The following PRRC2B variants were observed in gnomAD, a reference collection of about 807,000 sequenced individuals.
PRRC2B encodes proline rich coiled-coil 2B, also known as protein PRRC2B.
In PRRC2B, 68 loss-of-function variants were observed where a neutral mutation model predicts 242.3. The ratio of observed to expected loss-of-function variants is 0.28; its 90% confidence interval spans 0.23 to 0.34. The LOEUF is 0.34. Ranked by LOEUF, PRRC2B falls within the 10% of genes least tolerant of loss-of-function variation. The pLI, the probability that PRRC2B is intolerant of heterozygous loss-of-function variation, is 1.00. For synonymous variants in PRRC2B, 1,228 were observed against 1,173.6 expected (o/e 1.05, Z -0.95); for missense variants, 2,835 against 2,954.8 (o/e 0.96, Z 0.94).
At chr9:131,471,132 T>C in intron 14 of PRRC2B, 149 bp downstream of exon 14, 2 of 564,950 alleles carry the variant, frequency 3.5e-6, no homozygotes, top group Non-Finnish European at 6.3e-6. Context: ...AGTAGTCACT[T>C]GCAAAGTGTA....
At chr9:131,374,058 CA>C (rs533611596) in intron 1 of PRRC2B, among the ~76,000 whole-genome samples, 3,615 of 87,914 alleles carry the variant, frequency 0.041, 80 homozygotes, top group African/African-American at 0.13. Flanking sequence ...GACTCCGTCT[CA>C]AAAAAAAAAA....
rs765149339 is a variant in PRRC2B at position 131,490,670 on chromosome 9, G to A, written c.6226-755G>A. The stretch of plus-strand genomic sequence containing the variant: ...CGCATATCTTGTTCTAGTTAGTTAG[G>A]CCCTGCAGCTACCCTGTTCTCCTGT... On this transcript the variant is annotated intron_variant, in intron 28 of 31. Coordinates refer to ENST00000683519, the MANE Select transcript of PRRC2B (RefSeq NM_013318.4). 55 of 504,806 alleles carry A rather than the reference G, an allele frequency of 1.1e-4. 1 individual carries two copies. The highest frequency in any genetic ancestry group is 3.8e-4 in the South Asian group (27 of 70,272). The allele number at this position is 504,806 out of a possible 1,614,324, so 31.3% of individuals were successfully genotyped here. A position where few individuals can be genotyped will look rare whatever the true frequency, so the allele number is the denominator to read the frequency against.
intron 1 of PRRC2B, among the ~76,000 whole-genome samples, chr9:131,374,306 G>A (rs899045992): frequency 1.3e-5 from 2 of 151,954 alleles, no homozygotes; most frequent in African/African-American, 4.8e-5. Flanking sequence ...CGGAGACTCT[G>A]TCTCAAAATA....
chr9:131,401,322 A>G (rs902815223), intron 1 of PRRC2B, among the ~76,000 whole-genome samples: 3 of 151,340 alleles, frequency 2.0e-5, no homozygotes, highest in African/African-American at 4.9e-5. Context: ...CTCTGTTCCC[A>G]TTAGATGCCA....
chr9:131,430,041 C>CT (rs878925675), intron 1 of PRRC2B, 53 bp from the exon 2 acceptor site: 19,052 of 442,834 alleles, frequency 0.043, 1 homozygote, highest in South Asian at 0.064. Context: ...TAGTGACACT[C>CT]TTTTTTTTTT....
intron 14 of PRRC2B, 46 bp downstream of exon 14, chr9:131,471,029 G>A (rs1943530799): frequency 1.4e-6 from 2 of 1,440,216 alleles, no homozygotes; most frequent in African/African-American, 1.4e-5. Flanking sequence ...ACCCAGGATA[G>A]CGTGGTGGTC....
In PRRC2B at chr9:131,487,431, T is replaced by A. The variant is rs2131473007; in HGVS notation, c.5984+137T>A. On this transcript the variant is annotated intron_variant, in intron 27 of 31. Transcript: ENST00000683519. The surrounding 1 kb of genome is among the most constrained non-coding windows in gnomAD (Gnocchi z 5.3). ...GGCGGGGAGGGGTGGGAGTTTGCTC[T>A]GAATCACTCTTCAGTCCGTTGTTAA... The A allele has an allele frequency of 1.2e-6, 1 of 819,074 alleles. No individual in the cohort carries two copies. Among genetic ancestry groups the A allele is most frequent in the Non-Finnish European group, 1.9e-6 (1 of 536,104 alleles). 50.7% of individuals were successfully genotyped at this position (819,074 alleles called of 1,614,324 possible).
rs763985763 is a variant in PRRC2B, at chr9:131,476,355, G to T, written c.4226G>T (p.Ser1409Ile). The T allele has an allele frequency of 1.3e-6, 2 of 1,593,820 alleles. No homozygotes were observed. Among genetic ancestry groups the T allele is most frequent in the East Asian group, 4.6e-5 (2 of 43,862 alleles). ...SQVDGGLSGA[S>I]LGEKKELAKR... ...GTGGATGGTGGCCTGTCGGGGGCTA[G>T]TTTGGGTGAGAAGAAGGAGCTGGCC... is the stretch of plus-strand genomic sequence containing the variant. The change falls in exon 16 of 32, where the codon AGT becomes ATT. Residue 1409 changes from serine (S) to isoleucine (I), a missense_variant. Physicochemically the swap from Ser to Ile is moderately radical, Grantham distance 142 (BLOSUM62 -2). Around this residue, in one of 7 missense-constraint regions of PRRC2B, gnomAD observed 1,536 missense variants for 1,483.1 expected, o/e 1.04. Transcript: ENST00000683519.
Position 131,476,162 on chromosome 9 carries a change from CTG to C in PRRC2B, c.4037_4038del (p.Cys1346PhefsTer14). The C allele has an allele frequency of 6.2e-7, 1 of 1,613,230 alleles. No individual in the cohort carries two copies. The highest frequency in any genetic ancestry group is 8.5e-7 in the Non-Finnish European group (1 of 1,179,744). On this transcript the variant is annotated frameshift_variant, in exon 16 of 32. Transcript: ENST00000683519. LOFTEE classifies it high-confidence loss of function. ...LAGQWPGRPK[L>X]CSGDKSGTVG... ...AGGTCAGTGGCCAGGCAGGCCCAAA[CTG>C]TGTTCTGGGGACAAGAGTGGCACTG... is the stretch of plus-strand genomic sequence containing the variant.
At chr9:131,410,325 A>G (rs1036922687) in intron 1 of PRRC2B, among the ~76,000 whole-genome samples, 1 of 152,192 alleles carries the variant, frequency 6.6e-6, no homozygotes, top group East Asian at 1.9e-4. Flanking sequence ...GGGATGCTGT[A>G]TTAGAGTAAA....
At chr9:131,495,629 TAGG>T in intron 31 of PRRC2B, 108 bp from the exon 32 acceptor site, 1 of 1,277,200 alleles carries the variant, frequency 7.8e-7, no homozygotes, top group African/African-American at 1.5e-5. Flanking sequence ...ACTGACAACT[TAGG>T]GGAGCTTTCC....
At chr9:131,481,938 T>A (rs1342663385) in intron 20 of PRRC2B, 130 bp downstream of exon 20, 2 of 826,376 alleles carry the variant, frequency 2.4e-6, no homozygotes, top group Admixed American at 4.1e-5. Flanking sequence ...AATTAGGTTG[T>A]TTCCATGGGG....
rs1838793712 is a variant in PRRC2B at position 131,446,162 on chromosome 9, TCTG to T, written c.614-238_614-236del. 6.6e-6 allele frequency among the ~76,000 whole-genome samples: 1 copy of T among 152,226 alleles called. No individual in the cohort carries two copies. The highest frequency in any genetic ancestry group is 2.4e-5 in the African/African-American group (1 of 41,462). On this transcript the variant is annotated intron_variant, in intron 6 of 31. Coordinates refer to ENST00000683519, the MANE Select transcript of PRRC2B (RefSeq NM_013318.4). The surrounding 1 kb of genome is among the most constrained non-coding windows in gnomAD (Gnocchi z 4.1). ...TGTTGCTTACTGATGAAGCCTTCTC[TCTG>T]AGTAGATCTCATTTTATATTTCACA...
chr9:131,383,506 C>T (rs951823865), intron 1 of PRRC2B, among the ~76,000 whole-genome samples: 24 of 152,036 alleles, frequency 1.6e-4, no homozygotes, highest in African/African-American at 5.3e-4. Context: ...TCAGGCCCAG[C>T]TTAGGCTGTG....
chr9:131,480,798 C>G (rs1943837927), intron 19 of PRRC2B, among the ~76,000 whole-genome samples: 1 of 151,966 alleles, frequency 6.6e-6, no homozygotes, highest in Non-Finnish European at 1.5e-5. Context: ...GCTCCGGATC[C>G]ATGGCCATTC....
intron 2 of PRRC2B, among the ~76,000 whole-genome samples, chr9:131,432,045 C>T (rs994512840): frequency 1.3e-5 from 2 of 152,276 alleles, no homozygotes; most frequent in South Asian, 2.1e-4. Context: ...CTACCCACCT[C>T]GGCCTCCCAA....
chr9:131,424,541 C>T (rs1447682659), intron 1 of PRRC2B, among the ~76,000 whole-genome samples: 1 of 152,052 alleles, frequency 6.6e-6, no homozygotes, highest in Non-Finnish European at 1.5e-5. Flanking sequence ...CGAAAATTAG[C>T]TGGGCGTGGT....
At chr9:131,462,725 C>CT (rs1480409062) in intron 11 of PRRC2B, among the ~76,000 whole-genome samples, 6 of 150,200 alleles carry the variant, frequency 4.0e-5, no homozygotes, top group Non-Finnish European at 8.9e-5. Flanking sequence ...GTATTCCCAG[C>CT]TACTCAGGAG....
In PRRC2B at chr9:131,487,816, C is replaced by T; in HGVS notation, c.5985-40C>T. ...GGGTGGGACCAGATCCGCAGCTGGA[C>T]TCATCCACCTGATCCCGACCATCTG... is the stretch of plus-strand genomic sequence containing the variant. On this transcript the variant is annotated intron_variant, in intron 27 of 31. Coordinates refer to ENST00000683519, the MANE Select transcript of PRRC2B (RefSeq NM_013318.4). The surrounding 1 kb of genome is among the most constrained non-coding windows in gnomAD (Gnocchi z 5.3). The T allele has an allele frequency of 1.9e-6, 3 of 1,582,012 alleles. No homozygotes were observed. Among genetic ancestry groups the T allele is most frequent in the Non-Finnish European group, 1.7e-6 (2 of 1,157,896 alleles).
Sources: gnomAD v4.1 joint callset for allele counts (sites outside exome capture counted in the v4.1 genomes callset) on GRCh38, gnomAD v4.1.1 for gene constraint, gnomAD v4.1.1 regional missense constraint, Gnocchi (gnomAD v3.1) non-coding constraint, MANE v1.5 for transcripts, NCBI Gene and HGNC (gene_info 2026-07-23, HGNC 2026-07-21) for gene names.